The following PKP2 variants were observed in gnomAD, a reference collection of about 807,000 sequenced individuals.
The protein encoded by PKP2 is plakophilin-2.
A neutral mutation model predicts 83.4 loss-of-function variants in PKP2; 73 were observed. The ratio of observed to expected loss-of-function variants is 0.88; its 90% CI spans 0.72 to 1.06. PKP2 has a LOEUF of 1.06. Ranked by LOEUF, PKP2 falls within the 50% of genes least tolerant of loss-of-function variation. PKP2 has a pLI of 0.00. For missense variants in PKP2, 966 were observed against 1,065.4 expected (o/e 0.91, Z 1.30); for synonymous variants, 409 against 430.4 (o/e 0.95, Z 0.62).
chr12:32,832,910 G>A (rs967615699), intron 6 of PKP2, among the ~76,000 whole-genome samples: 2 of 152,184 alleles, frequency 1.3e-5, no homozygotes, highest in Non-Finnish European at 2.9e-5. Flanking sequence ...TAAGTCATGA[G>A]TATTCAGAAT....
intron 9 of PKP2, among the ~76,000 whole-genome samples, chr12:32,814,142 A>C (rs908946945): frequency 1.3e-5 from 2 of 152,082 alleles, no homozygotes; most frequent in Admixed American, 1.3e-4. Flanking sequence ...CCTCAAATGC[A>C]TAAGTCCTGC....
chr12:32,892,265 CCTTT>C (rs1957080562), intron 1 of PKP2, among the ~76,000 whole-genome samples: 4 of 151,896 alleles, frequency 2.6e-5, no homozygotes, highest in Admixed American at 2.6e-4. Flanking sequence ...CTAGTAACTA[CCTTT>C]CTTTTGCTAC....
chr12:32,880,886 AT>A (rs1336248593), intron 1 of PKP2, among the ~76,000 whole-genome samples: 4 of 152,042 alleles, frequency 2.6e-5, no homozygotes, highest in Non-Finnish European at 5.9e-5. Context: ...TTTAACTGAA[AT>A]TTTTTTCTGT....
intron 5 of PKP2, among the ~76,000 whole-genome samples, chr12:32,846,906 A>G (rs1956651595): frequency 2.0e-5 from 3 of 152,162 alleles, no homozygotes; most frequent in Admixed American, 2.0e-4. Context: ...ACACTCAGAT[A>G]CAACTAGGTT....
Position 32,896,720 on chromosome 12 carries a change from G to T in PKP2, c.12C>A (p.Pro4=), listed in dbSNP as rs397516991. ...TGTAGCCGTACTCAGCTGGGGCGCCGGGGGCTGCCATGGGGCCGGTGGGGG... is the reference window on the plus strand; with the variant it reads ...TGTAGCCGTACTCAGCTGGGGCGCCTGGGGCTGCCATGGGGCCGGTGGGGG... MAA[P]GAPAEYGYIR... The change falls in exon 1 of 13, where the codon CCC becomes CCA. Residue 4 remains proline (P), a synonymous_variant. Transcript: ENST00000340811. The T allele has an allele frequency of 6.8e-7, 1 of 1,461,732 alleles. No individual in the cohort carries two copies. 90.5% of individuals were successfully genotyped at this position (1,461,732 alleles called of 1,614,324 possible). A position where few individuals can be genotyped will look rare whatever the true frequency, so the allele number is the denominator to read the frequency against.
At chr12:32,794,180 AC>A (rs1209622462) in intron 11 of PKP2, among the ~76,000 whole-genome samples, 1 of 152,184 alleles carries the variant, frequency 6.6e-6, no homozygotes, top group African/African-American at 2.4e-5. Context: ...CTTATTAGTA[AC>A]CCCTGGACTT....
At chr12:32,814,756 T>A (rs2137755584) in intron 9 of PKP2, among the ~76,000 whole-genome samples, 1 of 152,188 alleles carries the variant, frequency 6.6e-6, no homozygotes, top group South Asian at 2.1e-4. Flanking sequence ...AAACCCCGTC[T>A]CTACTAAAAG....
rs572031080 is a variant in PKP2 at position 32,811,096 on chromosome 12, G to A, written c.2014-8540C>T. 5.3e-5 allele frequency among the ~76,000 whole-genome samples: 8 copies of A among 152,286 alleles called. No homozygotes were observed. The East Asian group carries it at 1.5e-3, about 29-fold the overall frequency. On this transcript the variant is annotated intron_variant, in intron 9 of 12. Coordinates refer to ENST00000340811, the MANE Select transcript of PKP2 (RefSeq NM_001005242.3). ...TTGAGTCTCCCTGCAGCAAGCATGA[G>A]CCACTTGGTACCAAATGTTTGTGAA...
intron 6 of PKP2, 153 bp from the exon 7 acceptor site, chr12:32,824,315 C>A: frequency 7.3e-6 from 5 of 683,570 alleles, no homozygotes; most frequent in Non-Finnish European, 1.3e-5. Flanking sequence ...AAATCATTGA[C>A]TGCTTAATAG....
At position 32,878,160 on chromosome 12, in the gene PKP2, C is replaced by T. The variant is rs777567315; in HGVS notation, c.720G>A (p.Leu240=). The T allele has an allele frequency of 2.5e-6, 4 of 1,614,116 alleles. No homozygotes were observed. The South Asian group carries it at 3.3e-5, about 13-fold the overall frequency. Residue 240 remains leucine (L), a synonymous_variant, in exon 3 of 13, where the codon CTG becomes CTA. Coordinates refer to ENST00000340811, the MANE Select transcript of PKP2 (RefSeq NM_001005242.3). ...TGGTCCCTGGCCTGGGGTACGTGAGCAGGGCCGGGTTGGCAGGGATGCTGT... is the reference window on the plus strand; with the variant it reads ...TGGTCCCTGGCCTGGGGTACGTGAGTAGGGCCGGGTTGGCAGGGATGCTGT... ...VFDSIPANPA[L]LTYPRPGTSR...
intron 9 of PKP2, among the ~76,000 whole-genome samples, chr12:32,815,097 A>C (rs1194827988): frequency 6.6e-6 from 1 of 152,164 alleles, no homozygotes; most frequent in Non-Finnish European, 1.5e-5. Context: ...CCAATCTGCA[A>C]ATTATGGCCT....
intron 1 of PKP2, among the ~76,000 whole-genome samples, chr12:32,896,081 A>G (rs1410239368): frequency 3.3e-5 from 5 of 151,870 alleles, no homozygotes; most frequent in Non-Finnish European, 2.9e-5. Context: ...GGGGTCATTA[A>G]TTATTTAACA....
intron 4 of PKP2, among the ~76,000 whole-genome samples, chr12:32,855,456 T>C (rs1236189983): frequency 6.6e-6 from 1 of 152,158 alleles, no homozygotes; most frequent in Non-Finnish European, 1.5e-5. Flanking sequence ...ATATTAATGT[T>C]ATAAAAATTC....
At chr12:32,849,452 C>T (rs762930722) in intron 5 of PKP2, among the ~76,000 whole-genome samples, 7 of 152,186 alleles carry the variant, frequency 4.6e-5, no homozygotes, top group Non-Finnish European at 7.4e-5. Flanking sequence ...CTCCTGGGCT[C>T]AAGCAATCCT....
intron 3 of PKP2, among the ~76,000 whole-genome samples, chr12:32,869,995 C>G (rs1179208515): frequency 6.6e-6 from 1 of 152,188 alleles, no homozygotes; most frequent in Non-Finnish European, 1.5e-5. Context: ...CACCACTGCA[C>G]TCCACCCTGA....
chr12:32,824,768 T>C (rs1956419926), intron 6 of PKP2, among the ~76,000 whole-genome samples: 1 of 152,228 alleles, frequency 6.6e-6, no homozygotes, highest in South Asian at 2.1e-4. Context: ...CAGTCAAAAG[T>C]ATGACCTATA....
intron 4 of PKP2, among the ~76,000 whole-genome samples, chr12:32,851,303 GA>G (rs1956694738): frequency 6.6e-6 from 1 of 152,040 alleles, no homozygotes; most frequent in South Asian, 2.1e-4. Flanking sequence ...AAAGAATTGG[GA>G]ATCTAGGCAG....
intron 4 of PKP2, among the ~76,000 whole-genome samples, chr12:32,864,264 T>G (rs1189618199): frequency 1.3e-5 from 2 of 151,094 alleles, no homozygotes; most frequent in Non-Finnish European, 2.9e-5. Context: ...CGCTCACCAC[T>G]TCTTTTCAAG....
At chr12:32,856,631 A>G (rs1339175288) in intron 4 of PKP2, among the ~76,000 whole-genome samples, 1 of 152,124 alleles carries the variant, frequency 6.6e-6, no homozygotes, top group Non-Finnish European at 1.5e-5. Context: ...GAGGGATAGC[A>G]TTAGGAGATA....
Sources: allele counts gnomAD v4.1 joint callset (sites outside exome capture counted in the v4.1 genomes callset), GRCh38; gene constraint gnomAD v4.1.1; transcripts MANE v1.5; gene names NCBI Gene and HGNC (gene_info 2026-07-23, HGNC 2026-07-21).